GALR1: variants seen among roughly 807,000 people sequenced by gnomAD.
GALR1 encodes galanin receptor 1.
GALR1 carries 11 observed loss-of-function variants against 17.9 expected under a neutral mutation model. The ratio of observed to expected loss-of-function variants is 0.62; its 90% CI spans 0.39 to 1.02. The LOEUF (loss-of-function observed/expected upper bound fraction) is 1.02, where lower values mean the gene tolerates loss of function less well. Ranked by LOEUF, GALR1 falls within the 50% of genes least tolerant of loss-of-function variation. The pLI is 0.01. For synonymous variants in GALR1, 206 were observed against 205.7 expected, an observed-to-expected ratio of 1.00 and a Z score of -0.01; for missense variants, 441 against 456.9, an observed-to-expected ratio of 0.97 and a Z score of 0.32.
intron 2 of GALR1, among the ~76,000 whole-genome samples, chr18:77,263,404 A>T (rs1436738220): frequency 6.6e-6 from 1 of 152,198 alleles, no homozygotes; most frequent in Non-Finnish European, 1.5e-5. Context: ...GTTTAAATAG[A>T]TGAGGCATGG....
chr18:77,264,540 A>AG (rs1200702095), intron 2 of GALR1, among the ~76,000 whole-genome samples: 1 of 152,048 alleles, frequency 6.6e-6, no homozygotes, highest in African/African-American at 2.4e-5. Flanking sequence ...AGGCCAGGGG[A>AG]GGGGGTCTGC....
At position 77,251,052 on chromosome 18, in the gene GALR1, G is replaced by A. The variant is rs149293813; in HGVS notation, c.504G>A (p.Ser168=). 211 of 1,607,458 alleles carry A rather than the reference G, an allele frequency of 1.3e-4. 1 individual carries two copies. The African/African-American group carries it at 2.4e-3, about 18-fold the overall frequency. ...GGGCGCTGTCCATTGCCATGGCCTC[G>A]CCCGTGGCCTACCACCAGGGCCTCT... The part of the protein sequence containing the change: ...CIWALSIAMA[S]PVAYHQGLFH... Residue 168 remains serine (S), a synonymous_variant, in exon 1 of 3, where the codon TCG becomes TCA. Coordinates refer to ENST00000299727, the MANE Select transcript of GALR1 (RefSeq NM_001480.4).
intron 2 of GALR1, among the ~76,000 whole-genome samples, chr18:77,265,446 C>A (rs1912924070): frequency 6.6e-6 from 1 of 152,200 alleles, no homozygotes; most frequent in Non-Finnish European, 1.5e-5. Flanking sequence ...GTGTCTATGG[C>A]TTTTCCAGGT....
chr18:77,250,973 G>A lies in GALR1; in HGVS notation c.425G>A (p.Arg142His), dbSNP rs756079511. 15 of 1,604,146 alleles carry A rather than the reference G, an allele frequency of 9.4e-6. No individual in the cohort carries two copies. The highest frequency in any genetic ancestry group is 5.3e-5 in the African/African-American group (4 of 75,024). Residue 142 changes from arginine to histidine, a missense_variant, in exon 1 of 3, where the codon CGC (arginine) becomes CAC (histidine). By Grantham distance (29) the Arg-to-His change is conservative. Transcript: ENST00000299727. ...DRYVAIVHSR[R>H]SSSLRVSRNA... ...TACGTGGCCATCGTGCACTCGCGGC[G>A]CTCCTCCTCCCTCAGGGTGTCCCGC...
chr18:77,268,500 G>A, intron 2 of GALR1, 85 bp from the exon 3 acceptor site: 1 of 894,810 alleles, frequency 1.1e-6, no homozygotes. Context: ...TTCCTTTTGT[G>A]TTGTAATCAA....
chr18:77,250,539 C>T lies in GALR1; in HGVS notation c.-10C>T. 2.0e-6 allele frequency: 3 copies of T among 1,510,266 alleles called. No homozygotes were observed. The highest frequency in any genetic ancestry group is 2.6e-6 in the Non-Finnish European group (3 of 1,135,024). 93.6% of individuals were successfully genotyped at this position (1,510,266 alleles called of 1,614,324 possible). A position where few individuals can be genotyped will look rare whatever the true frequency, so the allele number is the denominator to read the frequency against. ...GCGCCCCGCCGCTCGCCGGGACAGC[C>T]CCGCGGGCCATGGAGCTGGCGGTCG... On this transcript the variant is annotated 5_prime_UTR_variant, in exon 1 of 3. Transcript: ENST00000299727.
At chr18:77,267,063 G>A (rs146702595) in intron 2 of GALR1, among the ~76,000 whole-genome samples, 21 of 152,310 alleles carry the variant, frequency 1.4e-4, no homozygotes, top group Middle Eastern at 3.4e-3. Flanking sequence ...ACCTCTTTGC[G>A]CTTAATGTTC....
At chr18:77,256,670 G>A (rs1912598920) in intron 2 of GALR1, among the ~76,000 whole-genome samples, 1 of 152,156 alleles carries the variant, frequency 6.6e-6, no homozygotes, top group African/African-American at 2.4e-5. Context: ...CCTCCCTAAA[G>A]CCACCAGAGT....
In GALR1 at chr18:77,258,785, G is replaced by A. The variant is rs1208428690; in HGVS notation, c.732+2562G>A. On this transcript the variant is annotated intron_variant, in intron 2 of 2. Transcript: ENST00000299727. ...GGCAATTGTGATAGTGATGGTGGTG[G>A]TGGTGGTGGTGATGGTGGTGGTGGT... Among the ~76,000 whole-genome samples, 65 of 135,028 alleles carry A rather than the reference G, an allele frequency of 4.8e-4. 1 individual carries two copies. Among genetic ancestry groups the A allele is most frequent in the African/African-American group, 1.2e-3 (43 of 34,772 alleles). The allele number at this position is 135,028 out of a possible 152,430, so 88.6% of individuals were successfully genotyped here.
rs1356542511 is a variant in GALR1, at chr18:77,268,950, G to C, written c.*48G>C. 7.2e-7 allele frequency: 1 copy of C among 1,382,242 alleles called. No individual in the cohort carries two copies. Among genetic ancestry groups the C allele is most frequent in the Non-Finnish European group, 1.0e-6 (1 of 987,960 alleles). The allele number at this position is 1,382,242 out of a possible 1,614,324, so 85.6% of individuals were successfully genotyped here. On this transcript the variant is annotated 3_prime_UTR_variant, in exon 3 of 3. Transcript: ENST00000299727. Reference sequence around the variant, plus strand: ...GTTGAGTTTCCATATAAGTGGACCAGACACAGAAACAAACAGAATGAGCTA... The same window carrying C: ...GTTGAGTTTCCATATAAGTGGACCACACACAGAAACAAACAGAATGAGCTA...
intron 2 of GALR1, among the ~76,000 whole-genome samples, chr18:77,260,316 G>C (rs1163379690): frequency 6.6e-6 from 1 of 152,096 alleles, no homozygotes; most frequent in African/African-American, 2.4e-5. Context: ...TAAGGGGACT[G>C]GTCCCATTAT....
At position 77,277,229 on chromosome 18, in the gene GALR1, A is replaced by G. The variant is rs1913174173; in HGVS notation, c.*8327A>G. 1.3e-5 allele frequency: 2 copies of G among 152,252 alleles called. No homozygotes were observed. The highest frequency in any genetic ancestry group is 4.1e-4 in the South Asian group (2 of 4,832). 9.4% of individuals were successfully genotyped at this position (152,252 alleles called of 1,614,324 possible). Reference sequence around the variant, plus strand: ...ATGTGTACTGTATTTTTAAATTTTAATAAGGTTTGATATGGTTTGGCTCTG... The same window carrying G: ...ATGTGTACTGTATTTTTAAATTTTAGTAAGGTTTGATATGGTTTGGCTCTG... On this transcript the variant is annotated 3_prime_UTR_variant, in exon 3 of 3. Coordinates refer to ENST00000299727, the MANE Select transcript of GALR1 (RefSeq NM_001480.4).
At position 77,268,926 on chromosome 18, in the gene GALR1, T is replaced by G. The variant is rs201172922; in HGVS notation, c.*24T>G. 1.4e-5 allele frequency: 22 copies of G among 1,560,048 alleles called. No homozygotes were observed. In the East Asian group the frequency reaches 4.5e-4, roughly 32 times the overall value. The stretch of plus-strand genomic sequence containing the variant: ...GATAAAAGATAGAGTATCCTTATGG[T>G]TGAGTTTCCATATAAGTGGACCAGA... On this transcript the variant is annotated 3_prime_UTR_variant, in exon 3 of 3. Transcript: ENST00000299727.
rs758903262 is a variant in GALR1, at chr18:77,250,599, G to GC, written c.57dup (p.Ala20ArgfsTer206). 5 of 1,555,226 alleles carry GC rather than the reference G, an allele frequency of 3.2e-6. No individual in the cohort carries two copies. Among genetic ancestry groups the GC allele is most frequent in the East Asian group, 2.4e-5 (1 of 41,608 alleles). ...GCGAGGGCAACGCGAGCTGGCCGGA[G>GC]CCCCCCGCCCCGGAGCCCGGGCCGC... On this transcript the variant is annotated frameshift_variant, in exon 1 of 3. Transcript: ENST00000299727. LOFTEE classifies it high-confidence loss of function.
intron 1 of GALR1, among the ~76,000 whole-genome samples, chr18:77,252,272 A>G (rs1473802762): frequency 1.3e-5 from 2 of 152,242 alleles, no homozygotes; most frequent in African/African-American, 2.4e-5. Context: ...TCACCGGGTA[A>G]ACCCTAATGT....
At chr18:77,258,901 G>C (rs1233620961) in intron 2 of GALR1, among the ~76,000 whole-genome samples, 2 of 139,892 alleles carry the variant, frequency 1.4e-5, no homozygotes, top group Admixed American at 1.4e-4. Context: ...TGGTGATGGT[G>C]GTGGGCGGTA....
chr18:77,260,838 G>A (rs986894518), intron 2 of GALR1, among the ~76,000 whole-genome samples: 4 of 152,026 alleles, frequency 2.6e-5, no homozygotes, highest in Admixed American at 1.3e-4. Flanking sequence ...AAATGGGATA[G>A]ACACCCATAC....
Position 77,276,925 on chromosome 18 carries a change from A to G in GALR1, c.*8023A>G, listed in dbSNP as rs565129117. The G allele has an allele frequency of 1.1e-4, 16 of 152,286 alleles. No individual in the cohort carries two copies. Among genetic ancestry groups the G allele is most frequent in the African/African-American group, 3.9e-4 (16 of 41,556 alleles). The allele number at this position is 152,286 out of a possible 1,614,324, so 9.4% of individuals were successfully genotyped here. The stretch of plus-strand genomic sequence containing the variant: ...AGATTGTTATAATTTTTGCCTCAAA[A>G]AAATAAAATAAAATAGCTTGGTGGA... On this transcript the variant is annotated 3_prime_UTR_variant, in exon 3 of 3. Transcript: ENST00000299727.
chr18:77,257,477 C>T (rs1912616922), intron 2 of GALR1, among the ~76,000 whole-genome samples: 1 of 152,132 alleles, frequency 6.6e-6, no homozygotes. Flanking sequence ...GAGCAGCTGA[C>T]CAAGTGCTAA....
Sources: gnomAD v4.1 joint callset for allele counts (sites outside exome capture counted in the v4.1 genomes callset) on GRCh38, gnomAD v4.1.1 for gene constraint, MANE v1.5 for transcripts, NCBI Gene and HGNC (gene_info 2026-07-23, HGNC 2026-07-21) for gene names.